Variants in ALPK2 observed in about 807,000 individuals in gnomAD.
ALPK2 encodes the protein alpha kinase 2.
ALPK2 carries 127 observed loss-of-function variants against 163.1 expected under a neutral mutation model. The observed-to-expected ratio is 0.78, with a 90% CI of 0.67 to 0.90. ALPK2 has a LOEUF of 0.90. ALPK2 is among the 40% of genes least tolerant of loss of function. The pLI, the probability that ALPK2 is intolerant of heterozygous loss-of-function variation, is 0.00. For missense variants in ALPK2, 2,360 were observed against 2,589.6 expected (o/e 0.91, Z 1.92); for synonymous variants, 953 against 959.1 (o/e 0.99, Z 0.12).
At chr18:58,488,867 T>C (rs1341641411) in intron 12 of ALPK2, among the ~76,000 whole-genome samples, 1 of 152,016 alleles carries the variant, frequency 6.6e-6, no homozygotes, top group Non-Finnish European at 1.5e-5. Flanking sequence ...GGGAGGGACA[T>C]GGGGAGCCTT....
At chr18:58,513,018 TGTGTGGTGTGTGGTTTGTGTGTG>T (rs2051501616) in intron 10 of ALPK2, among the ~76,000 whole-genome samples, 1 of 137,864 alleles carries the variant, frequency 7.3e-6, no homozygotes, top group African/African-American at 2.7e-5. Flanking sequence ...ATGTGGGGTG[TGTGTGGTGTGTGGTTTGTGTGTG>T]GTGTGGTGTG....
At chr18:58,546,420 C>T (rs948638516) in intron 4 of ALPK2, among the ~76,000 whole-genome samples, 5 of 152,082 alleles carry the variant, frequency 3.3e-5, no homozygotes, top group Non-Finnish European at 1.5e-5. Flanking sequence ...TGACATGGTA[C>T]GAGTGGAAGG....
chr18:58,554,755 C>G (rs1049714166), intron 4 of ALPK2, among the ~76,000 whole-genome samples: 1 of 152,168 alleles, frequency 6.6e-6, no homozygotes, highest in Admixed American at 6.5e-5. Context: ...ATCATTGGAA[C>G]CAGCTTGATA....
At chr18:58,507,594 C>T (rs576088048) in intron 10 of ALPK2, among the ~76,000 whole-genome samples, 4 of 152,236 alleles carry the variant, frequency 2.6e-5, no homozygotes, top group Admixed American at 2.6e-4. Context: ...GGAATGAACA[C>T]GTAAGGCTTG....
intron 3 of ALPK2, among the ~76,000 whole-genome samples, chr18:58,603,784 C>A (rs905271206): frequency 3.3e-5 from 5 of 151,982 alleles, no homozygotes; most frequent in Non-Finnish European, 7.4e-5. Context: ...CATTTTCCTC[C>A]CCACTCCCCA....
chr18:58,494,602 T>G (rs1386742337), intron 12 of ALPK2, among the ~76,000 whole-genome samples: 2 of 152,110 alleles, frequency 1.3e-5, no homozygotes, highest in East Asian at 1.9e-4. Context: ...GAGCACTGCT[T>G]CTTATGGTGG....
chr18:58,601,774 A>AAACCAGCAGAG (rs1602236052), intron 3 of ALPK2, among the ~76,000 whole-genome samples: 1 of 152,298 alleles, frequency 6.6e-6, no homozygotes, highest in East Asian at 1.9e-4. Flanking sequence ...AAGCCAGGGA[A>AAACCAGCAGAG]AACCAGCAGA....
intron 4 of ALPK2, among the ~76,000 whole-genome samples, chr18:58,556,560 G>T (rs1054244286): frequency 1.3e-5 from 2 of 152,060 alleles, no homozygotes; most frequent in Non-Finnish European, 2.9e-5. Flanking sequence ...TAGCTACGGG[G>T]TGGTGGAGCT....
intron 12 of ALPK2, among the ~76,000 whole-genome samples, chr18:58,490,652 G>A (rs575037897): frequency 1.1e-4 from 17 of 152,106 alleles, no homozygotes; most frequent in African/African-American, 3.9e-4. Context: ...AATACAAAAA[G>A]TTCCCTCTTT....
At chr18:58,610,951 G>A (rs934807852) in intron 2 of ALPK2, among the ~76,000 whole-genome samples, 7 of 152,044 alleles carry the variant, frequency 4.6e-5, no homozygotes, top group African/African-American at 9.7e-5. Context: ...AAAATTAGCC[G>A]GGTGTAGTGG....
chr18:58,564,459 A>G (rs72956623), intron 4 of ALPK2, among the ~76,000 whole-genome samples: 2,664 of 151,426 alleles, frequency 0.018, 37 homozygotes, highest in South Asian at 0.033. Flanking sequence ...CTTTTCTTAC[A>G]TCACTTTCTT....
intron 4 of ALPK2, among the ~76,000 whole-genome samples, chr18:58,558,540 C>G (rs1479700943): frequency 6.6e-6 from 1 of 152,220 alleles, no homozygotes; most frequent in African/African-American, 2.4e-5. Flanking sequence ...CAAAAGGTTA[C>G]ACATCGAGTT....
In ALPK2 at chr18:58,580,163, G is replaced by C; in HGVS notation, c.613C>G (p.Pro205Ala). Residue 205 changes from proline (P) to alanine (A), a missense_variant, in exon 4 of 13, where the codon CCA becomes GCA. By Grantham distance (27) the Pro-to-Ala change is conservative. Coordinates refer to ENST00000361673, the MANE Select transcript of ALPK2 (RefSeq NM_052947.4). Reference sequence around the variant, plus strand: ...TTTGCAATTTCTTCTGTGTTACTTGGATCATAAGCCTCTCCAGTGTGCCTT... The same window carrying C: ...TTTGCAATTTCTTCTGTGTTACTTGCATCATAAGCCTCTCCAGTGTGCCTT... ...GTRHTGEAYD[P>A]SNTEEIANGL... 1 of 1,614,154 alleles carries C rather than the reference G, an allele frequency of 6.2e-7. No homozygotes were observed. The highest frequency in any genetic ancestry group is 8.5e-7 in the Non-Finnish European group (1 of 1,180,026).
chr18:58,499,575 G>A (rs534034980), intron 11 of ALPK2, among the ~76,000 whole-genome samples: 3 of 152,206 alleles, frequency 2.0e-5, no homozygotes, highest in African/African-American at 7.2e-5. Context: ...TAGGGTGAGG[G>A]TTATGGGCAC....
At chr18:58,506,355 C>T (rs1319819164) in intron 10 of ALPK2, among the ~76,000 whole-genome samples, 1 of 150,706 alleles carries the variant, frequency 6.6e-6, no homozygotes, top group Non-Finnish European at 1.5e-5. Context: ...ACATGGACCC[C>T]ATGAATCTAA....
chr18:58,508,722 A>G (rs923902274), intron 10 of ALPK2, among the ~76,000 whole-genome samples: 4 of 152,132 alleles, frequency 2.6e-5, no homozygotes, highest in South Asian at 2.1e-4. Flanking sequence ...TGCTCTGTCT[A>G]TGGAGTAGCC....
At chr18:58,626,713 CATAG>C (rs1261176306) in intron 1 of ALPK2, among the ~76,000 whole-genome samples, 3 of 152,090 alleles carry the variant, frequency 2.0e-5, no homozygotes, top group Non-Finnish European at 2.9e-5. Flanking sequence ...TCTTATTTAT[CATAG>C]ATACATTCTA....
chr18:58,616,250 C>G (rs964036493), intron 1 of ALPK2, among the ~76,000 whole-genome samples: 5 of 152,192 alleles, frequency 3.3e-5, no homozygotes, highest in African/African-American at 9.7e-5. Context: ...CAGTTCCTGG[C>G]TCCTAACTCC....
intron 4 of ALPK2, among the ~76,000 whole-genome samples, chr18:58,573,396 GTGTGTATATATATATGT>G (rs2051900239): frequency 7.3e-6 from 1 of 137,606 alleles, no homozygotes; most frequent in Non-Finnish European, 1.5e-5. Context: ...ATATATATAT[GTGTGTATATATATATGT>G]TTTTTTTTTT....
Sources: gnomAD v4.1 joint callset for allele counts (sites outside exome capture counted in the v4.1 genomes callset) on GRCh38, gnomAD v4.1.1 for gene constraint, MANE v1.5 for transcripts, NCBI Gene and HGNC (gene_info 2026-07-23, HGNC 2026-07-21) for gene names.